Variants in PCDHA10 observed in about 807,000 individuals in gnomAD.
PCDHA10 encodes protocadherin alpha 10.
PCDHA10 carries 45 observed loss-of-function variants against 61.2 expected under a neutral mutation model. The observed-to-expected ratio is 0.74, with a 90% confidence interval of 0.58 to 0.94. The LOEUF (loss-of-function observed/expected upper bound fraction) is 0.94. Among genes scored for constraint, PCDHA10 ranks in the 40% least tolerant of loss-of-function variants. The pLI is 0.00. For synonymous variants in PCDHA10, 602 were observed against 548.8 expected (o/e 1.10, Z -1.35); for missense variants, 1,278 against 1,236.2 (o/e 1.03, Z -0.51).
chr5:140,928,480 G>A, intron 1 of PCDHA10: 2 of 1,614,146 alleles, frequency 1.2e-6, no homozygotes, highest in Non-Finnish European at 1.7e-6. Flanking sequence ...AGGCCGGGAT[G>A]GTGGCATTCC....
intron 1 of PCDHA10, among the ~76,000 whole-genome samples, chr5:140,923,795 A>C (rs1282849925): frequency 6.6e-6 from 1 of 152,360 alleles, no homozygotes; most frequent in African/African-American, 2.4e-5. Context: ...CATTCTTTTC[A>C]CAAATGAAAT....
At chr5:140,883,635 C>T (rs997170789) in intron 1 of PCDHA10, 1 of 1,613,182 alleles carries the variant, frequency 6.2e-7, no homozygotes, top group Non-Finnish European at 8.5e-7. Flanking sequence ...CCGGCGTTCG[C>T]GCAGCCCGAG....
chr5:140,969,351 G>A (rs1554231714), intron 1 of PCDHA10: 1 of 1,612,990 alleles, frequency 6.2e-7, no homozygotes, highest in Non-Finnish European at 8.5e-7. Flanking sequence ...TGGTCAGGGG[G>A]TCTTCTACAA....
intron 3 of PCDHA10, among the ~76,000 whole-genome samples, chr5:140,997,904 A>G (rs1446627520): frequency 6.6e-6 from 1 of 152,224 alleles, no homozygotes; most frequent in Non-Finnish European, 1.5e-5. Flanking sequence ...TTCAAGAAGT[A>G]GAATTACAGA....
intron 1 of PCDHA10, among the ~76,000 whole-genome samples, chr5:140,941,215 C>CTTT (rs782548958): frequency 2.3e-4 from 24 of 104,510 alleles, no homozygotes; most frequent in African/African-American, 3.3e-4. Context: ...TTCTTTCTTC[C>CTTT]TTTCTTTCTT....
chr5:140,937,869 G>C (rs1268422806), intron 1 of PCDHA10, among the ~76,000 whole-genome samples: 1 of 150,376 alleles, frequency 6.6e-6, no homozygotes, highest in South Asian at 2.1e-4. Context: ...CCGAGATCGC[G>C]CCACTGCACT....
At chr5:140,928,194 A>G in intron 1 of PCDHA10, 2 of 1,614,204 alleles carry the variant, frequency 1.2e-6, no homozygotes, top group East Asian at 2.2e-5. Context: ...TCACTGTGTC[A>G]GTTGCTGATG....
intron 1 of PCDHA10, chr5:140,871,328 G>C: frequency 1.9e-6 from 3 of 1,614,128 alleles, no homozygotes; most frequent in Non-Finnish European, 2.5e-6. Flanking sequence ...GTGTGCTCCC[G>C]CGCGGTGGGG....
At chr5:140,962,932 TC>T (rs1188109186) in intron 1 of PCDHA10, among the ~76,000 whole-genome samples, 20 of 152,266 alleles carry the variant, frequency 1.3e-4, no homozygotes, top group African/African-American at 4.3e-4. Flanking sequence ...CTTCTCAACC[TC>T]CTCTCCATAA....
chr5:140,876,936 G>T, intron 1 of PCDHA10: 1 of 1,613,730 alleles, frequency 6.2e-7, no homozygotes, highest in South Asian at 1.1e-5. Flanking sequence ...AGAAGAACGC[G>T]CTGGTGTCCT....
intron 1 of PCDHA10, chr5:140,928,020 T>G: frequency 1.2e-6 from 2 of 1,614,182 alleles, no homozygotes; most frequent in Middle Eastern, 1.6e-4. Context: ...GTAGGGTCAT[T>G]TGTGGCATGT....
chr5:140,902,894 A>G (rs1370660183), intron 1 of PCDHA10, among the ~76,000 whole-genome samples: 1 of 152,170 alleles, frequency 6.6e-6, no homozygotes, highest in Non-Finnish European at 1.5e-5. Flanking sequence ...CTATTATTTT[A>G]TTTAGTTTAT....
intron 1 of PCDHA10, chr5:140,966,800 G>A: frequency 6.5e-7 from 1 of 1,540,654 alleles, no homozygotes; most frequent in Non-Finnish European, 8.7e-7. Context: ...TGCGGCGACA[G>A]AGCATCCACG....
chr5:140,884,172 G>T lies in PCDHA10; in HGVS notation c.2388+25736G>T, dbSNP rs142435897. ...TACACTGGCGAGATCAGCACGACGCGCCCTCTGGACGAGGTGGACGCGCCG... is the reference window on the plus strand; with the variant it reads ...TACACTGGCGAGATCAGCACGACGCTCCCTCTGGACGAGGTGGACGCGCCG... On this transcript the variant is annotated intron_variant, in intron 1 of 3. Transcript: ENST00000307360. 84 of 1,613,386 alleles carry T rather than the reference G, an allele frequency of 5.2e-5. No homozygotes were observed. In the African/African-American group the frequency reaches 9.2e-4, roughly 18 times the overall value.
chr5:140,946,384 G>A (rs2093939169), intron 1 of PCDHA10, among the ~76,000 whole-genome samples: 1 of 151,758 alleles, frequency 6.6e-6, no homozygotes, highest in Non-Finnish European at 1.5e-5. Context: ...CGGTTGGTAG[G>A]AATGTAAATT....
rs782328804 is a variant in PCDHA10, at chr5:140,882,548, G to A, written c.2388+24112G>A. The A allele has an allele frequency of 5.3e-5, 86 of 1,614,126 alleles. No homozygotes were observed. The highest frequency in any genetic ancestry group is 4.9e-4 in the East Asian group (22 of 44,902). ...TGTGAATTCTCGGATCGACCGCGAG[G>A]AGCTGTGTGGGCGGAGCGCGGAGTG... On this transcript the variant is annotated intron_variant, in intron 1 of 3. Transcript: ENST00000307360.
intron 1 of PCDHA10, chr5:140,876,879 G>T (rs782299548): frequency 6.2e-7 from 1 of 1,614,150 alleles, no homozygotes; most frequent in Non-Finnish European, 8.5e-7. Context: ...AGAACAACCC[G>T]CCGGGCTGCC....
chr5:140,957,188 C>A (rs374236292), intron 1 of PCDHA10, among the ~76,000 whole-genome samples: 1 of 151,992 alleles, frequency 6.6e-6, no homozygotes, highest in Middle Eastern at 3.4e-3. Flanking sequence ...TATTGATGAC[C>A]GATTGGGAAT....
chr5:140,878,800 A>T (rs1324441458), intron 1 of PCDHA10, among the ~76,000 whole-genome samples: 1 of 152,182 alleles, frequency 6.6e-6, no homozygotes, highest in Non-Finnish European at 1.5e-5. Context: ...CTTTTTAAAA[A>T]CATATGGGGG....
Sources: allele counts gnomAD v4.1 joint callset (sites outside exome capture counted in the v4.1 genomes callset), GRCh38; gene constraint gnomAD v4.1.1; transcripts MANE v1.5; gene names NCBI Gene and HGNC (gene_info 2026-07-23, HGNC 2026-07-21).